The following ARFIP1 variants were observed in gnomAD, a reference collection of about 807,000 sequenced individuals.
ARFIP1 encodes the protein arfaptin-1.
ARFIP1 carries 24 observed loss-of-function variants against 42.5 expected under a neutral mutation model. That is an observed-to-expected ratio of 0.57 (90% CI 0.41 to 0.80). ARFIP1 has a LOEUF of 0.80. Ranked by LOEUF, ARFIP1 falls within the 30% of genes least tolerant of loss-of-function variation. The pLI is 0.00. For missense variants in ARFIP1, 354 were observed against 434.0 expected, an observed-to-expected ratio of 0.82 and a Z score of 1.64; for synonymous variants, 141 against 153.7, an observed-to-expected ratio of 0.92 and a Z score of 0.61.
chr4:152,836,194 A>G (rs1416528645), intron 2 of ARFIP1, among the ~76,000 whole-genome samples: 3 of 152,218 alleles, frequency 2.0e-5, no homozygotes, highest in Non-Finnish European at 1.5e-5. Context: ...TTCTGGAGAT[A>G]TAATATACAG....
chr4:152,784,855 T>C (rs1426511684), intron 1 of ARFIP1, among the ~76,000 whole-genome samples: 1 of 152,280 alleles, frequency 6.6e-6, no homozygotes, highest in African/African-American at 2.4e-5. Flanking sequence ...TATTTTTGTA[T>C]ATCTGTGATA....
intron 1 of ARFIP1, among the ~76,000 whole-genome samples, chr4:152,818,963 T>A (rs1730133138): frequency 6.6e-6 from 1 of 152,134 alleles, no homozygotes; most frequent in Non-Finnish European, 1.5e-5. Flanking sequence ...GTGCTGCTGC[T>A]TGTGCTCGTA....
intron 2 of ARFIP1, among the ~76,000 whole-genome samples, chr4:152,840,443 C>T (rs557301202): frequency 7.2e-5 from 11 of 152,144 alleles, no homozygotes; most frequent in South Asian, 4.1e-4. Flanking sequence ...GTGTTAGGTG[C>T]ATATTTGTGT....
intron 1 of ARFIP1, among the ~76,000 whole-genome samples, chr4:152,824,980 CACACACACACACATACATAT>C (rs1448583467): frequency 2.7e-5 from 4 of 146,940 alleles, no homozygotes; most frequent in East Asian, 2.0e-4. Flanking sequence ...CACATACATA[CACACACACACACATACATAT>C]ACACACACAC....
At chr4:152,815,185 T>A (rs983509023) in intron 1 of ARFIP1, among the ~76,000 whole-genome samples, 1 of 152,238 alleles carries the variant, frequency 6.6e-6, no homozygotes, top group Non-Finnish European at 1.5e-5. Flanking sequence ...CTGCTTCTTT[T>A]TTTTTAATCT....
intron 2 of ARFIP1, among the ~76,000 whole-genome samples, chr4:152,838,222 G>A (rs1170432727): frequency 6.6e-6 from 1 of 152,146 alleles, no homozygotes; most frequent in African/African-American, 2.4e-5. Flanking sequence ...CTCCAGATGT[G>A]TTGTTTTTGT....
At chr4:152,842,242 C>A (rs761338003) in intron 2 of ARFIP1, among the ~76,000 whole-genome samples, 4 of 151,486 alleles carry the variant, frequency 2.6e-5, no homozygotes, top group Non-Finnish European at 5.9e-5. Context: ...GATATAAACC[C>A]AAGCATTCGA....
At chr4:152,781,481 C>G (rs1730494397) in intron 1 of ARFIP1, among the ~76,000 whole-genome samples, 1 of 152,192 alleles carries the variant, frequency 6.6e-6, no homozygotes, top group Non-Finnish European at 1.5e-5. Context: ...AAATGATCCT[C>G]CCTCCTCGGC....
At chr4:152,836,714 G>C (rs1374677264) in intron 2 of ARFIP1, among the ~76,000 whole-genome samples, 5 of 152,058 alleles carry the variant, frequency 3.3e-5, no homozygotes, top group Non-Finnish European at 7.4e-5. Context: ...ATTTGCCTTT[G>C]AGTAGCACTG....
chr4:152,872,378 C>A (rs1455487820), intron 4 of ARFIP1, 74 bp from the exon 5 acceptor site: 3 of 948,760 alleles, frequency 3.2e-6, no homozygotes, highest in Non-Finnish European at 4.8e-6. Context: ...TCAATTTGAA[C>A]AATATCAGGG....
chr4:152,833,702 A>C (rs1269287200), intron 2 of ARFIP1, among the ~76,000 whole-genome samples: 2 of 152,348 alleles, frequency 1.3e-5, no homozygotes, highest in East Asian at 3.9e-4. Context: ...CTCTATTAAA[A>C]AGGAAGAAAT....
chr4:152,821,251 T>G (rs140422141), intron 1 of ARFIP1, among the ~76,000 whole-genome samples: 1 of 152,076 alleles, frequency 6.6e-6, no homozygotes, highest in Non-Finnish European at 1.5e-5. Flanking sequence ...TAAAAAACAA[T>G]TCAGGATATG....
intron 8 of ARFIP1, among the ~76,000 whole-genome samples, chr4:152,891,298 T>A (rs1736827566): frequency 6.6e-6 from 1 of 152,244 alleles, no homozygotes; most frequent in South Asian, 2.1e-4. Flanking sequence ...AAGTTTGAAT[T>A]TGAACTGAGT....
chr4:152,860,101 TA>T (rs1444674050), intron 2 of ARFIP1, among the ~76,000 whole-genome samples: 4 of 152,150 alleles, frequency 2.6e-5, no homozygotes, highest in Non-Finnish European at 5.9e-5. Context: ...GAGTTCTATT[TA>T]AAAATTGGGA....
chr4:152,890,938 A>T (rs1433274439), intron 8 of ARFIP1, among the ~76,000 whole-genome samples: 1 of 152,206 alleles, frequency 6.6e-6, no homozygotes, highest in East Asian at 1.9e-4. Flanking sequence ...AATACCATAA[A>T]CTGAGTAGCT....
At chr4:152,831,629 T>G (rs1731246275) in intron 2 of ARFIP1, among the ~76,000 whole-genome samples, 1 of 152,208 alleles carries the variant, frequency 6.6e-6, no homozygotes, top group Admixed American at 6.5e-5. Context: ...AACCTAACTC[T>G]ATAATCATAA....
chr4:152,851,890 A>G (rs936936656), intron 2 of ARFIP1, among the ~76,000 whole-genome samples: 8 of 152,254 alleles, frequency 5.3e-5, no homozygotes, highest in Non-Finnish European at 1.2e-4. Flanking sequence ...CCTCTATTAA[A>G]ATATGCAAAA....
At chr4:152,824,967 CCA>C (rs1730704271) in intron 1 of ARFIP1, among the ~76,000 whole-genome samples, 1 of 151,094 alleles carries the variant, frequency 6.6e-6, no homozygotes, top group Admixed American at 6.6e-5. Flanking sequence ...CACACGCACA[CCA>C]CACATACATA....
At chr4:152,842,696 A>G (rs879276511) in intron 2 of ARFIP1, among the ~76,000 whole-genome samples, 11 of 152,178 alleles carry the variant, frequency 7.2e-5, no homozygotes, top group Non-Finnish European at 1.0e-4. Context: ...TACTTGTTCA[A>G]TTCTGTTGCT....
Sources: allele counts gnomAD v4.1 joint callset (sites outside exome capture counted in the v4.1 genomes callset), GRCh38; gene constraint gnomAD v4.1.1; transcripts MANE v1.5; gene names NCBI Gene and HGNC (gene_info 2026-07-23, HGNC 2026-07-21).